Variants in SSR4 observed in about 807,000 individuals in gnomAD.
The protein encoded by SSR4 is signal sequence receptor subunit 4.
For synonymous variants in SSR4, 84 were observed against 65.6 expected (o/e 1.28, Z -1.35); for missense variants, 125 against 148.8 (o/e 0.84, Z 0.83).
At chrX:153,795,918 A>C (rs1457477585) in intron 1 of SSR4, 10 of 682,319 alleles carry the variant, frequency 1.5e-5, no homozygotes, top group Non-Finnish European at 1.7e-5. Flanking sequence ...TCTCCCGTTT[A>C]CTTCTTCAGG....
intron 2 of SSR4, chrX:153,796,826 C>T (rs782061748): frequency 1.8e-5 from 6 of 332,604 alleles, no homozygotes; most frequent in East Asian, 1.5e-4. Flanking sequence ...GGAGTCAGCC[C>T]ACCCCGGTTG....
chrX:153,794,450 A>C, upstream of SSR4: 2 of 1,138,848 alleles, frequency 1.8e-6, no homozygotes, highest in Non-Finnish European at 2.3e-6. Context: ...GGTCGCACCG[A>C]TTCACGCCCC....
At chrX:153,797,205 C>T (rs1204242546) in intron 2 of SSR4, 27 of 407,725 alleles carry the variant, frequency 6.6e-5, no homozygotes, top group Non-Finnish European at 9.0e-5. Flanking sequence ...CCCCTGCTCA[C>T]AGTCAACAGG....
At chrX:153,797,099 A>T (rs781896185) in intron 2 of SSR4, 43 of 235,436 alleles carry the variant, frequency 1.8e-4, no homozygotes, top group Non-Finnish European at 3.0e-4. Flanking sequence ...TGGCCCTCTT[A>T]GGGTAAAGCA....
intron 1 of SSR4, chrX:153,794,966 G>A: frequency 8.8e-6 from 4 of 454,980 alleles, no homozygotes; most frequent in Middle Eastern, 6.3e-4. Flanking sequence ...CCCATACGAA[G>A]AGGAGTCCCC....
At chrX:153,796,913 C>T in intron 2 of SSR4, 1 of 201,252 alleles carries the variant, frequency 5.0e-6, no homozygotes, top group Admixed American at 6.8e-5. Context: ...TAGGGTCTCA[C>T]TCTGTTGCCT....
At chrX:153,798,000 T>TGCCCC in intron 4 of SSR4, 71 bp from the exon 5 acceptor site, 22 of 703,957 alleles carry the variant, frequency 3.1e-5, no homozygotes, top group South Asian at 4.4e-5. Flanking sequence ...TACCTGTCTT[T>TGCCCC]CCCCTCCCCT....
rs782617956 is a variant in SSR4 at position 153,797,873 on chromosome X, T to C, written c.351+59T>C. On this transcript the variant is annotated intron_variant, in intron 4 of 5. Transcript: ENST00000370086. The stretch of plus-strand genomic sequence containing the variant: ...TCCCTGGGGAGCAGGATGGGCTGGG[T>C]TGGGAGGTGCTGGCAGCAAGTCCTG... 3.5e-5 allele frequency: 36 copies of C among 1,023,709 alleles called. No individual in the cohort carries two copies. In the South Asian group the frequency reaches 7.1e-4, roughly 20 times the overall value. The allele number at this position is 1,023,709 out of a possible 1,213,427, so 84.4% of individuals were successfully genotyped here.
At chrX:153,798,256 G>A (rs1204112429) in intron 5 of SSR4, 73 bp from the exon 6 acceptor site, 134 of 1,181,120 alleles carry the variant, frequency 1.1e-4, no homozygotes, top group African/African-American at 1.8e-4. Context: ...TTCCCCTGGC[G>A]GAAGGTGACC....
Position 153,794,909 on chromosome X carries a change from A to G in SSR4, c.67+155A>G, listed in dbSNP as rs782353229. 1.3e-5 allele frequency: 8 copies of G among 616,546 alleles called. No homozygotes were observed. The South Asian group carries it at 2.4e-4, about 19-fold the overall frequency. The allele number at this position is 616,546 out of a possible 1,213,427, so 50.8% of individuals were successfully genotyped here. A position where few individuals can be genotyped will look rare whatever the true frequency, so the allele number is the denominator to read the frequency against. Reference sequence around the variant, plus strand: ...CAGGCGGCCTTGGGACGGGGGGACCAAAGCACCTCGCGCACGTTTACCGGC... The same window carrying G: ...CAGGCGGCCTTGGGACGGGGGGACCGAAGCACCTCGCGCACGTTTACCGGC... On this transcript the variant is annotated intron_variant, in intron 1 of 5. Transcript: ENST00000370086.
At position 153,798,371 on chromosome X, in the gene SSR4, G is replaced by A. The variant is rs1557073330; in HGVS notation, c.460G>A (p.Ala154Thr). The A allele has an allele frequency of 2.5e-6, 3 of 1,205,494 alleles. No individual in the cohort carries two copies. Among genetic ancestry groups the A allele is most frequent in the Non-Finnish European group, 3.4e-6 (3 of 892,315 alleles). Residue 154 changes from alanine (A) to threonine (T), a missense_variant, in exon 6 of 6, where the codon GCG becomes ACG. Coordinates refer to ENST00000370086, the MANE Select transcript of SSR4 (RefSeq NM_006280.3). ...CTGGGTGTCCACTGAGGTGCTGGCT[G>A]CGGCGATCGGCCTTGTGATCTACTA... is the stretch of plus-strand genomic sequence containing the variant. Reference protein sequence around the residue: ...GPWVSTEVLAAAIGLVIYYLA... With the variant: ...GPWVSTEVLATAIGLVIYYLA...
At chrX:153,794,903 G>A (rs981301306) in intron 1 of SSR4, 149 bp downstream of exon 1, 72 of 666,022 alleles carry the variant, frequency 1.1e-4, no homozygotes, top group South Asian at 6.1e-4. Flanking sequence ...TTGGGACGGG[G>A]GGACCAAAGC....
intron 5 of SSR4, 56 bp downstream of exon 5, chrX:153,798,192 C>A (rs1354645385): frequency 2.5e-6 from 3 of 1,178,431 alleles, no homozygotes; most frequent in Non-Finnish European, 3.5e-6. Flanking sequence ...TGAAGGTTAT[C>A]CTCTCCACAG....
At chrX:153,796,806 G>A (rs1213238491) in intron 2 of SSR4, 1 of 365,153 alleles carries the variant, frequency 2.7e-6, no homozygotes. Flanking sequence ...TGGACCGGGA[G>A]AAAGGGCCAG....
chrX:153,797,665 G>A (rs1557072941), intron 3 of SSR4, 60 bp from the exon 4 acceptor site: 1 of 1,127,483 alleles, frequency 8.9e-7, no homozygotes, highest in Admixed American at 2.2e-5. Flanking sequence ...GTCGGCACTG[G>A]TGGTCAGGGT....
At chrX:153,794,504 A>T (rs2092126258), upstream of SSR4, 1 of 1,157,202 alleles carries the variant, frequency 8.6e-7, no homozygotes, top group Non-Finnish European at 1.2e-6. Context: ...TGAGGGGGGG[A>T]CCGCGACCAG....
At chrX:153,795,639 G>A (rs1163646063) in intron 1 of SSR4, 13 of 752,452 alleles carry the variant, frequency 1.7e-5, no homozygotes, top group Non-Finnish European at 2.0e-5. Flanking sequence ...TAGCCCCTGA[G>A]AACTGCCTCC....
At chrX:153,794,207 C>G (rs782492670), upstream of SSR4, 2 of 1,146,468 alleles carry the variant, frequency 1.7e-6, no homozygotes, top group Non-Finnish European at 2.3e-6. Flanking sequence ...CGCTCCCCTG[C>G]GACCGCTGCC....
intron 1 of SSR4, chrX:153,795,070 C>T (rs2092131357): frequency 3.3e-6 from 1 of 301,460 alleles, no homozygotes; most frequent in Admixed American, 5.7e-5. Flanking sequence ...CGGAGCGAAG[C>T]TCTGTAGCGC....
Sources: allele counts gnomAD v4.1 joint callset, GRCh38; gene constraint gnomAD v4.1.1; transcripts MANE v1.5; gene names NCBI Gene and HGNC (gene_info 2026-07-23, HGNC 2026-07-21).